The following ACACA variants were observed in gnomAD, a reference collection of about 807,000 sequenced individuals.
ACACA encodes the protein acetyl-CoA carboxylase 1.
In ACACA, 103 loss-of-function variants were observed where a neutral mutation model predicts 296.1. That is an observed-to-expected ratio of 0.35 (90% CI 0.30 to 0.41). The LOEUF is 0.41. Among genes scored for constraint, ACACA ranks in the 10% least tolerant of loss-of-function variants. ACACA has a pLI of 1.00. For missense variants in ACACA, 1,554 were observed against 2,989.7 expected, an observed-to-expected ratio of 0.52 and a Z score of 11.20; for synonymous variants, 953 against 1,038.6, an observed-to-expected ratio of 0.92 and a Z score of 1.58.
At chr17:37,354,587 C>T (rs1199307708) in intron 1 of ACACA, among the ~76,000 whole-genome samples, 1 of 152,112 alleles carries the variant, frequency 6.6e-6, no homozygotes, top group African/African-American at 2.4e-5. Flanking sequence ...TTCAAATAGT[C>T]CATTAGATTC....
At chr17:37,240,084 C>G (rs1000668752) in intron 24 of ACACA, among the ~76,000 whole-genome samples, 8 of 152,218 alleles carry the variant, frequency 5.3e-5, no homozygotes, top group Admixed American at 6.5e-5. Context: ...CTAGATGCCT[C>G]TGGTTCAATT....
chr17:37,262,524 CACA>C (rs1196633353), intron 11 of ACACA, among the ~76,000 whole-genome samples: 6 of 152,084 alleles, frequency 3.9e-5, no homozygotes, highest in Non-Finnish European at 8.8e-5. Flanking sequence ...TAGCCTCTGT[CACA>C]ACTATTCAAT....
chr17:37,373,774 A>G (rs531526131), intron 1 of ACACA, among the ~76,000 whole-genome samples: 1 of 152,286 alleles, frequency 6.6e-6, no homozygotes, highest in Non-Finnish European at 1.5e-5. Flanking sequence ...ACTAATGTAC[A>G]GAGAGTTTCA....
intron 45 of ACACA, among the ~76,000 whole-genome samples, chr17:37,132,224 T>TCTAACAGGCAGAGGGCATTACATA (rs1417039529): frequency 6.6e-6 from 1 of 152,242 alleles, no homozygotes; most frequent in African/African-American, 2.4e-5. Flanking sequence ...CTTTAGTCTT[T>TCTAACAGGCAGAGGGCATTACATA]CTAACAGGCA....
chr17:37,270,057 C>T (rs1161171716), intron 10 of ACACA, among the ~76,000 whole-genome samples: 2 of 152,212 alleles, frequency 1.3e-5, no homozygotes, highest in Non-Finnish European at 2.9e-5. Context: ...GTCGTCTCCG[C>T]AACCAATGTA....
At chr17:37,374,204 G>A (rs896497518) in intron 1 of ACACA, among the ~76,000 whole-genome samples, 9 of 151,914 alleles carry the variant, frequency 5.9e-5, no homozygotes, top group African/African-American at 2.2e-4. Context: ...ACAAAACATA[G>A]CCCATCTCCA....
chr17:37,091,823 G>C (rs1047416292), intron 54 of ACACA, among the ~76,000 whole-genome samples: 4 of 151,890 alleles, frequency 2.6e-5, no homozygotes, highest in African/African-American at 9.7e-5. Flanking sequence ...CAGTTCCCCT[G>C]CCTTGGCCTC....
In ACACA at chr17:37,374,486, C is replaced by T. The variant is rs2049922299; in HGVS notation, c.38+31776G>A. On this transcript the variant is annotated intron_variant, in intron 1 of 55. Coordinates refer to ENST00000616317, the MANE Select transcript of ACACA (RefSeq NM_198834.3). ...ACTTTCAGTAGAGATGGAGTTTCTC[C>T]ATGTTGGTCAGGCTGGTCTCGAACT... Among the ~76,000 whole-genome samples, 3 of 152,020 alleles carry T rather than the reference C, an allele frequency of 2.0e-5. No homozygotes were observed. In the East Asian group the frequency reaches 5.8e-4, roughly 29 times the overall value.
chr17:37,179,198 A>T, intron 41 of ACACA, 62 bp downstream of exon 41: 1 of 1,603,712 alleles, frequency 6.2e-7, no homozygotes, highest in Non-Finnish European at 8.5e-7. Flanking sequence ...TGACCACCTC[A>T]CAGAAAGCTG....
rs1298775841 is a variant in ACACA at position 37,122,587 on chromosome 17, G to C, written c.6082C>G (p.Arg2028Gly). The change falls in exon 49 of 56, where the codon CGA becomes GGA. Residue 2028 changes from arginine to glycine, a missense_variant. Transcript: ENST00000616317. ...IPVGVVAVET[R>G]TVELSIPADP... ...GCTGGGATACTTAGTTCTACTGTTCGGGTTTCTACAGCAACAACTCCCACA... is the reference window on the plus strand; with the variant it reads ...GCTGGGATACTTAGTTCTACTGTTCCGGTTTCTACAGCAACAACTCCCACA... 1 of 1,614,030 alleles carries C rather than the reference G, an allele frequency of 6.2e-7. No homozygotes were observed. Among genetic ancestry groups the C allele is most frequent in the Admixed American group, 1.7e-5 (1 of 60,010 alleles).
intron 35 of ACACA, among the ~76,000 whole-genome samples, chr17:37,193,915 C>G (rs1410780054): frequency 6.6e-6 from 1 of 152,064 alleles, no homozygotes; most frequent in Non-Finnish European, 1.5e-5. Context: ...TAAATGATAA[C>G]ATTTGAAGAT....
In ACACA at chr17:37,284,866, C is replaced by G; in HGVS notation, c.443G>C (p.Arg148Pro). ...CTCAATCACTTTATTTCCCCCAAAG[C>G]GAGTAACAAATTCTGCTGGAGAAGC... is the stretch of plus-strand genomic sequence containing the variant. ...TVASPAEFVT[R>P]FGGNKVIEKV... is the part of the protein sequence containing the mutation. The change falls in exon 4 of 56, where the codon CGC (arginine) becomes CCC (proline). Residue 148 changes from arginine (R) to proline (P), a missense_variant. By Grantham distance (103) the Arg-to-Pro change is moderately radical. Around this residue, in one of 16 missense-constraint regions of ACACA, gnomAD observed 40 missense variants for 92.2 expected, o/e 0.43. Transcript: ENST00000616317. The G allele has an allele frequency of 6.2e-7, 1 of 1,614,122 alleles. No homozygotes were observed. The highest frequency in any genetic ancestry group is 8.5e-7 in the Non-Finnish European group (1 of 1,180,016).
At position 37,259,475 on chromosome 17, in the gene ACACA, T is replaced by C; in HGVS notation, c.1385A>G (p.Tyr462Cys). Residue 462 changes from tyrosine (Y) to cysteine (C), a missense_variant, in exon 12 of 56, where the codon TAC (tyrosine) becomes TGC (cysteine). By Grantham distance (194) the Tyr-to-Cys change is radical (BLOSUM62 -2). Around this residue, in one of 16 missense-constraint regions of ACACA, gnomAD observed 82 missense variants for 185.2 expected, o/e 0.44. Coordinates refer to ENST00000616317, the MANE Select transcript of ACACA (RefSeq NM_198834.3). ...GAAGCTGCCATCCTGGCTGTACAGG[T>C]ATTCCACAGTCCCAGCACTCACATA... ...VGYVSAGTVE[Y>C]LYSQDGSFYF... The C allele has an allele frequency of 6.2e-7, 1 of 1,614,162 alleles. No individual in the cohort carries two copies. Among genetic ancestry groups the C allele is most frequent in the Non-Finnish European group, 8.5e-7 (1 of 1,180,028 alleles).
chr17:37,112,967 C>A, intron 51 of ACACA, 121 bp downstream of exon 51: 1 of 1,227,258 alleles, frequency 8.1e-7, no homozygotes, highest in South Asian at 1.3e-5. Context: ...AAGGAAAAAG[C>A]TTTGGTTTGG....
chr17:37,109,079 A>C (rs2073847159), intron 52 of ACACA, among the ~76,000 whole-genome samples: 1 of 152,216 alleles, frequency 6.6e-6, no homozygotes, highest in Non-Finnish European at 1.5e-5. Context: ...TGTGAAAAAG[A>C]ATTTTGGTAG....
At chr17:37,297,182 C>T (rs545744221) in intron 3 of ACACA, among the ~76,000 whole-genome samples, 68 of 151,650 alleles carry the variant, frequency 4.5e-4, no homozygotes, top group Non-Finnish European at 9.3e-4. Context: ...TGGCTCACGC[C>T]TGTAATCCCA....
At chr17:37,215,229 T>C (rs183409472) in intron 29 of ACACA, among the ~76,000 whole-genome samples, 12 of 152,302 alleles carry the variant, frequency 7.9e-5, no homozygotes, top group African/African-American at 2.9e-4. Context: ...GAAGGTACAG[T>C]GGAATCCGAC....
At chr17:37,103,258 TG>T (rs1232219728) in intron 52 of ACACA, among the ~76,000 whole-genome samples, 6 of 152,208 alleles carry the variant, frequency 3.9e-5, no homozygotes, top group Admixed American at 2.6e-4. Context: ...TAAAGATTTT[TG>T]ACTTCTGAAC....
intron 52 of ACACA, among the ~76,000 whole-genome samples, chr17:37,106,869 G>C (rs1183036508): frequency 6.6e-6 from 1 of 151,796 alleles, no homozygotes; most frequent in Non-Finnish European, 1.5e-5. Context: ...TGCTTCCTTG[G>C]GGGAGGCAAG....
Sources: gnomAD v4.1 joint callset for allele counts (sites outside exome capture counted in the v4.1 genomes callset) on GRCh38, gnomAD v4.1.1 for gene constraint, gnomAD v4.1.1 regional missense constraint, MANE v1.5 for transcripts, NCBI Gene and HGNC (gene_info 2026-07-23, HGNC 2026-07-21) for gene names.